The following PRKG1 variants were observed in gnomAD, a reference collection of about 807,000 sequenced individuals.
PRKG1 encodes the protein cGMP-dependent protein kinase 1.
In PRKG1, 35 loss-of-function variants were observed where a neutral mutation model predicts 88.1. The observed-to-expected ratio is 0.40, with a 90% CI of 0.30 to 0.53. The LOEUF is 0.53. Among genes scored for constraint, PRKG1 ranks in the 20% least tolerant of loss-of-function variants. PRKG1 has a pLI of 0.59. For synonymous variants in PRKG1, 303 were observed against 292.5 expected, an observed-to-expected ratio of 1.04 and a Z score of -0.37; for missense variants, 540 against 839.8, an observed-to-expected ratio of 0.64 and a Z score of 4.41.
chr10:52,226,814 C>T (rs1840400134), intron 9 of PRKG1, among the ~76,000 whole-genome samples: 1 of 151,916 alleles, frequency 6.6e-6, no homozygotes, highest in Admixed American at 6.6e-5. Flanking sequence ...ATATGGAAAA[C>T]TTTTGTGAAT....
chr10:51,548,283 T>C (rs1483793072), intron 3 of PRKG1, among the ~76,000 whole-genome samples: 1 of 152,072 alleles, frequency 6.6e-6, no homozygotes. Flanking sequence ...ACACAGTGAC[T>C]CCATGTCTTG....
At chr10:51,458,364 C>T (rs1839649185) in intron 2 of PRKG1, among the ~76,000 whole-genome samples, 1 of 151,892 alleles carries the variant, frequency 6.6e-6, no homozygotes, top group Admixed American at 6.6e-5. Flanking sequence ...CACAAGCATG[C>T]TCACAGGAAT....
chr10:52,002,888 C>T (rs1432430212), intron 5 of PRKG1, among the ~76,000 whole-genome samples: 1 of 152,066 alleles, frequency 6.6e-6, no homozygotes, highest in Non-Finnish European at 1.5e-5. Flanking sequence ...TTTTTCTACA[C>T]AATCCAGCAA....
chr10:51,676,350 T>G (rs1840710081), intron 3 of PRKG1, among the ~76,000 whole-genome samples: 1 of 151,840 alleles, frequency 6.6e-6, no homozygotes, highest in Admixed American at 6.6e-5. Context: ...AAAGCATTGG[T>G]TCAGGCCAAA....
chr10:51,052,823 G>T (rs928549383), intron 1 of PRKG1, among the ~76,000 whole-genome samples: 2 of 152,156 alleles, frequency 1.3e-5, no homozygotes, highest in African/African-American at 4.8e-5. Context: ...CCTGTCATGG[G>T]TTAGATAAAG....
chr10:51,651,002 G>C (rs1391567399), intron 3 of PRKG1, among the ~76,000 whole-genome samples: 3 of 152,174 alleles, frequency 2.0e-5, no homozygotes, highest in African/African-American at 7.2e-5. Context: ...GTAGACATTC[G>C]TGGTTGTCAC....
intron 2 of PRKG1, among the ~76,000 whole-genome samples, chr10:51,307,394 A>G (rs1841066680): frequency 6.6e-6 from 1 of 152,158 alleles, no homozygotes; most frequent in Admixed American, 6.5e-5. Flanking sequence ...CAGTGGTGGC[A>G]CCAGGATTTG....
intron 5 of PRKG1, among the ~76,000 whole-genome samples, chr10:51,961,230 A>G (rs1184528048): frequency 6.6e-6 from 1 of 152,116 alleles, no homozygotes; most frequent in Non-Finnish European, 1.5e-5. Flanking sequence ...ACTAAAATCC[A>G]TGCATGCTCA....
At chr10:51,970,045 CACACA>C (rs1564733447) in intron 5 of PRKG1, among the ~76,000 whole-genome samples, 35 of 86,714 alleles carry the variant, frequency 4.0e-4, no homozygotes, top group African/African-American at 1.3e-3. Flanking sequence ...CACACACACA[CACACA>C]CCCATATTTA....
At chr10:52,198,939 A>G (rs1839584674) in intron 9 of PRKG1, among the ~76,000 whole-genome samples, 1 of 152,004 alleles carries the variant, frequency 6.6e-6, no homozygotes, top group African/African-American at 2.4e-5. Flanking sequence ...TTGGGGAACC[A>G]TTTTTCAGAC....
At chr10:51,919,440 C>G (rs2186146) in intron 5 of PRKG1, among the ~76,000 whole-genome samples, 33,135 of 151,988 alleles carry the variant, frequency 0.22, 4,318 homozygotes, top group East Asian at 0.5. Context: ...AGCTACCATT[C>G]TTTTTTATTA....
At chr10:51,107,230 C>T (rs1385529646) in intron 1 of PRKG1, among the ~76,000 whole-genome samples, 3 of 152,032 alleles carry the variant, frequency 2.0e-5, no homozygotes, top group African/African-American at 7.2e-5. Flanking sequence ...AGTGGGAATG[C>T]GGTGGGACAC....
intron 1 of PRKG1, among the ~76,000 whole-genome samples, chr10:51,080,022 T>A (rs1844065822): frequency 6.6e-6 from 1 of 152,216 alleles, no homozygotes; most frequent in Admixed American, 6.5e-5. Context: ...TTTTCGAAAG[T>A]CATCTTTCTT....
chr10:51,634,015 G>T (rs77571774), intron 3 of PRKG1, among the ~76,000 whole-genome samples: 5,653 of 152,132 alleles, frequency 0.037, 155 homozygotes, highest in Non-Finnish European at 0.057. Context: ...AAATGTTTTG[G>T]TCATTAATTT....
chr10:52,083,614 C>T (rs7072999), intron 7 of PRKG1, among the ~76,000 whole-genome samples: 50,291 of 151,804 alleles, frequency 0.33, 9,181 homozygotes, highest in Non-Finnish European at 0.42. Flanking sequence ...GTAAAATTGC[C>T]GCTTTGAGTT....
At chr10:51,180,648 C>T (rs2132024292) in intron 2 of PRKG1, among the ~76,000 whole-genome samples, 1 of 152,340 alleles carries the variant, frequency 6.6e-6, no homozygotes, top group African/African-American at 2.4e-5. Flanking sequence ...GCTTGCGAAG[C>T]AGACCCCTAT....
intron 1 of PRKG1, among the ~76,000 whole-genome samples, chr10:51,143,480 A>T (rs1343991878): frequency 6.6e-6 from 1 of 152,058 alleles, no homozygotes; most frequent in Admixed American, 6.6e-5. Flanking sequence ...AATTTAGTTT[A>T]CTTTGGGTAT....
At chr10:51,268,720 G>A (rs143515113) in intron 2 of PRKG1, among the ~76,000 whole-genome samples, 14 of 152,072 alleles carry the variant, frequency 9.2e-5, no homozygotes, top group East Asian at 1.9e-4. Flanking sequence ...GTCCTGAGGC[G>A]ACATACATCC....
intron 8 of PRKG1, among the ~76,000 whole-genome samples, chr10:52,149,709 A>T (rs771881851): frequency 5.3e-5 from 8 of 152,142 alleles, no homozygotes; most frequent in South Asian, 2.1e-4. Context: ...TGGTGGGAAG[A>T]TAAATTTCTG....
Sources: allele counts gnomAD v4.1 joint callset (sites outside exome capture counted in the v4.1 genomes callset), GRCh38; gene constraint gnomAD v4.1.1; transcripts MANE v1.5; gene names NCBI Gene and HGNC (gene_info 2026-07-23, HGNC 2026-07-21).